TRPM7: variants seen among roughly 807,000 people sequenced by gnomAD.
TRPM7 encodes the protein LTRPC ion channel family member 7.
TRPM7 carries 134 observed loss-of-function variants against 229.7 expected under a neutral mutation model. The ratio of observed to expected loss-of-function variants is 0.58; its 90% CI spans 0.51 to 0.67. The LOEUF (loss-of-function observed/expected upper bound fraction) is 0.67. TRPM7 is among the 30% of genes least tolerant of loss of function. The pLI, the probability that TRPM7 is intolerant of heterozygous loss-of-function variation, is 0.00. For synonymous variants in TRPM7, 699 were observed against 715.2 expected, an observed-to-expected ratio of 0.98 and a Z score of 0.36; for missense variants, 1,901 against 2,210.0, an observed-to-expected ratio of 0.86 and a Z score of 2.80.
Position 50,612,842 on chromosome 15 carries a change from A to G in TRPM7, c.1771-13T>C, listed in dbSNP as rs2060099587. On this transcript the variant is annotated splice_polypyrimidine_tract_variant and intron_variant, in intron 15 of 38. Transcript: ENST00000646667. Reference sequence around the variant, plus strand: ...TAACTGTATCAATCTTCCAGGGAAAATAAAGTTATAAAGCTCATTATAATA... The same window carrying G: ...TAACTGTATCAATCTTCCAGGGAAAGTAAAGTTATAAAGCTCATTATAATA... 1 of 1,600,180 alleles carries G rather than the reference A, an allele frequency of 6.2e-7. No individual in the cohort carries two copies. The highest frequency in any genetic ancestry group is 2.2e-5 in the East Asian group (1 of 44,810).
intron 38 of TRPM7, 26 bp from the exon 39 acceptor site, chr15:50,561,834 A>G: frequency 1.0e-6 from 1 of 1,004,802 alleles, no homozygotes; most frequent in East Asian, 4.0e-5. Flanking sequence ...ACAACAATTA[A>G]AAAAAAAAAA....
chr15:50,659,319 C>G (rs2061671171), intron 2 of TRPM7, among the ~76,000 whole-genome samples: 2 of 152,072 alleles, frequency 1.3e-5, no homozygotes, highest in Non-Finnish European at 2.9e-5. Context: ...AAGACTATAT[C>G]TAACTTTCTG....
chr15:50,573,994 T>C (rs922016554), intron 36 of TRPM7, among the ~76,000 whole-genome samples: 1 of 150,836 alleles, frequency 6.6e-6, no homozygotes, highest in African/African-American at 2.4e-5. Flanking sequence ...GAGGCGGAAG[T>C]TGCAGTGAGC....
chr15:50,601,535 G>A (rs1390565910), intron 21 of TRPM7, among the ~76,000 whole-genome samples: 3 of 152,026 alleles, frequency 2.0e-5, no homozygotes, highest in Non-Finnish European at 2.9e-5. Context: ...CCAGCTACTC[G>A]GGAGGCTGAG....
intron 3 of TRPM7, among the ~76,000 whole-genome samples, chr15:50,652,985 C>G (rs771919667): frequency 6.6e-6 from 1 of 152,138 alleles, no homozygotes; most frequent in Non-Finnish European, 1.5e-5. Context: ...CATGGCAAAA[C>G]TCCTTCTCTA....
Position 50,609,771 on chromosome 15 carries a change from A to G in TRPM7, c.2436+35T>C, listed in dbSNP as rs149548135. On this transcript the variant is annotated intron_variant, in intron 18 of 38. Transcript: ENST00000646667. ...TTCTTTTGTACAATTATTCAGAACA[A>G]ACTTATATTTACTTTAAAATGTTTT... The G allele has an allele frequency of 6.3e-6, 10 of 1,597,742 alleles. No homozygotes were observed. In the East Asian group the frequency reaches 1.8e-4, roughly 29 times the overall value.
At chr15:50,673,744 C>G (rs529450023) in intron 1 of TRPM7, among the ~76,000 whole-genome samples, 1 of 152,088 alleles carries the variant, frequency 6.6e-6, no homozygotes, top group African/African-American at 2.4e-5. Flanking sequence ...AACATGCGTA[C>G]GCAAGTATCT....
chr15:50,595,724 C>T (rs2059614135), intron 23 of TRPM7, among the ~76,000 whole-genome samples: 1 of 151,778 alleles, frequency 6.6e-6, no homozygotes, highest in African/African-American at 2.4e-5. Flanking sequence ...ATCAGCCAGG[C>T]GTTGTGGTGC....
rs2059531058 is a variant in TRPM7 at position 50,592,484 on chromosome 15, C to T, written c.3751G>A (p.Ala1251Thr). 1 of 1,613,974 alleles carries T rather than the reference C, an allele frequency of 6.2e-7. No homozygotes were observed. The highest frequency in any genetic ancestry group is 1.3e-5 in the African/African-American group (1 of 74,920). ...LTVDTLKTLT[A>T]QKASEASKVH... ...TTGCTAGCTTCCGACGCTTTCTGGG[C>T]AGTGAGTGTTTTTAATGTATCTACC... is the stretch of plus-strand genomic sequence containing the variant. The change falls in exon 26 of 39, where the codon GCC (alanine) becomes ACC (threonine). Residue 1251 changes from alanine (A) to threonine (T), a missense_variant. Around this residue, in one of 8 missense-constraint regions of TRPM7, gnomAD observed 533 missense variants for 497.1 expected, o/e 1.07. Transcript: ENST00000646667.
intron 23 of TRPM7, among the ~76,000 whole-genome samples, 170 bp downstream of exon 23, chr15:50,596,085 G>C (rs2059622935): frequency 6.6e-6 from 1 of 152,024 alleles, no homozygotes; most frequent in African/African-American, 2.4e-5. Flanking sequence ...TTAAAATTTA[G>C]AACTCATTTG....
In TRPM7 at chr15:50,633,246, AG is replaced by A. The variant is rs1291830020; in HGVS notation, c.1008-255del. Among the ~76,000 whole-genome samples, 9 of 152,208 alleles carry A rather than the reference AG, an allele frequency of 5.9e-5. No individual in the cohort carries two copies. The East Asian group carries it at 1.7e-3, about 29-fold the overall frequency. On this transcript the variant is annotated intron_variant, in intron 8 of 38. Transcript: ENST00000646667. ...CAAAAAGTATGTGTGTGGCAATATCAGTACTTACATAAGATATTGTATAAAA... is the reference window on the plus strand; with the variant it reads ...CAAAAAGTATGTGTGTGGCAATATCATACTTACATAAGATATTGTATAAAA...
chr15:50,638,369 A>C (rs2060979250), intron 6 of TRPM7, among the ~76,000 whole-genome samples: 3 of 66,934 alleles, frequency 4.5e-5, no homozygotes, highest in African/African-American at 1.6e-4. Flanking sequence ...AAAAAAAAAA[A>C]AAAAAAAAAA....
chr15:50,599,488 A>ATATAGT, intron 21 of TRPM7, 192 bp from the exon 22 acceptor site: 1 of 431,136 alleles, frequency 2.3e-6, no homozygotes, highest in South Asian at 6.6e-5. Flanking sequence ...CTAGGAGATT[A>ATATAGT]CGTAAAAAAA....
intron 1 of TRPM7, among the ~76,000 whole-genome samples, chr15:50,677,753 AAAAAAAAC>A (rs1293644901): frequency 2.0e-5 from 3 of 150,158 alleles, no homozygotes; most frequent in Non-Finnish European, 4.4e-5. Context: ...AAAAAAAAAA[AAAAAAAAC>A]AAAAGGTAAC....
intron 38 of TRPM7, among the ~76,000 whole-genome samples, chr15:50,566,614 T>C (rs1210266290): frequency 3.9e-5 from 6 of 152,270 alleles, no homozygotes; most frequent in Non-Finnish European, 8.8e-5. Flanking sequence ...GAGAATCGTT[T>C]GAACCTGGGA....
chr15:50,608,067 A>AAAAAG (rs1555412563), intron 19 of TRPM7, among the ~76,000 whole-genome samples: 1 of 150,458 alleles, frequency 6.6e-6, no homozygotes, highest in African/African-American at 2.4e-5. Context: ...AAAAAAAAAA[A>AAAAAG]AAAGAAAGAA....
chr15:50,686,172 G>A (rs1486708783), intron 1 of TRPM7, among the ~76,000 whole-genome samples: 4 of 152,226 alleles, frequency 2.6e-5, no homozygotes, highest in Non-Finnish European at 5.9e-5. Flanking sequence ...GCTCCCAGGA[G>A]ATGCGGAGCT....
Position 50,605,141 on chromosome 15 carries a change from A to C in TRPM7, c.2713T>G (p.Phe905Val), listed in dbSNP as rs1307646573. ...TTTACTTTCCCAGCTTCAGACATAA[A>C]GATCTAAAGGTTTAACAACAACAAA... The part of the protein sequence containing the change: ...TYAIEKVREI[F>V]MSEAGKVNQK... Residue 905 changes from phenylalanine to valine, a missense_variant, in exon 21 of 39, where the codon TTT (phenylalanine) becomes GTT (valine). This residue lies in a region of TRPM7 where 207 missense variants were observed against 241.5 expected (regional missense o/e 0.86). Coordinates refer to ENST00000646667, the MANE Select transcript of TRPM7 (RefSeq NM_017672.6). 3 of 1,590,918 alleles carry C rather than the reference A, an allele frequency of 1.9e-6. No homozygotes were observed. The African/African-American group carries it at 4.1e-5, about 22-fold the overall frequency.
intron 30 of TRPM7, among the ~76,000 whole-genome samples, chr15:50,580,661 T>C (rs1422738012): frequency 6.6e-6 from 1 of 152,208 alleles, no homozygotes; most frequent in Non-Finnish European, 1.5e-5. Flanking sequence ...GTAATTATGG[T>C]ACAACTATAT....
Sources: allele counts gnomAD v4.1 joint callset (sites outside exome capture counted in the v4.1 genomes callset), GRCh38; gene constraint gnomAD v4.1.1; regional missense constraint gnomAD v4.1.1; transcripts MANE v1.5; gene names NCBI Gene and HGNC (gene_info 2026-07-23, HGNC 2026-07-21).